Variants in SLC13A3 observed in about 807,000 individuals in gnomAD.
SLC13A3 encodes the protein Na(+)/dicarboxylate cotransporter 3.
SLC13A3 carries 40 observed loss-of-function variants against 59.0 expected under a neutral mutation model. The ratio of observed to expected loss-of-function variants is 0.68; its 90% CI spans 0.53 to 0.88. SLC13A3 has a LOEUF of 0.88. Among genes scored for constraint, SLC13A3 ranks in the 40% least tolerant of loss-of-function variants. The probability of loss-of-function intolerance (pLI) is 0.00; values close to 1 mark genes in which losing one functional copy is unlikely to be tolerated. For missense variants in SLC13A3, 699 were observed against 783.2 expected (o/e 0.89, Z 1.28); for synonymous variants, 317 against 330.3 (o/e 0.96, Z 0.44).
intron 1 of SLC13A3, among the ~76,000 whole-genome samples, chr20:46,644,889 G>T (rs2062879125): frequency 6.6e-6 from 1 of 152,184 alleles, no homozygotes; most frequent in Non-Finnish European, 1.5e-5. Context: ...GAACCAGTCT[G>T]GTGGGGTGGT....
intron 5 of SLC13A3, 115 bp from the exon 6 acceptor site, chr20:46,592,644 T>C: frequency 1.9e-6 from 2 of 1,031,754 alleles, no homozygotes; most frequent in Non-Finnish European, 2.9e-6. Flanking sequence ...GAGGGTCCCA[T>C]GGAAGTCTTG....
rs1286795439 is a variant in SLC13A3, at chr20:46,588,178, T to C, written c.1017-15A>G. 9 of 1,558,462 alleles carry C rather than the reference T, an allele frequency of 5.8e-6. No individual in the cohort carries two copies. Among genetic ancestry groups the C allele is most frequent in the Middle Eastern group, 1.7e-4 (1 of 5,972 alleles). On this transcript the variant is annotated splice_polypyrimidine_tract_variant and intron_variant, in intron 7 of 12. Transcript: ENST00000279027. ...GTTCGGCAAACCTGTGGCACAGACA[T>C]GCAGGCATGATGGTGACCCCGGGTT... is the stretch of plus-strand genomic sequence containing the variant.
intron 1 of SLC13A3, among the ~76,000 whole-genome samples, chr20:46,618,958 G>A (rs1040634716): frequency 9.2e-5 from 14 of 152,166 alleles, no homozygotes; most frequent in Admixed American, 3.3e-4. Flanking sequence ...GAGGCATGTC[G>A]AATACCATTT....
At chr20:46,584,025 C>A in intron 8 of SLC13A3, 4 of 981,354 alleles carry the variant, frequency 4.1e-6, no homozygotes, top group Non-Finnish European at 4.8e-6. Context: ...TGTAAGAGCC[C>A]TGTCTTTGTT....
rs190154062 is a variant in SLC13A3, at chr20:46,582,184, T to C, written c.1219+1388A>G. Among the ~76,000 whole-genome samples the C allele has an allele frequency of 2.3e-4, 35 of 152,202 alleles. No individual in the cohort carries two copies. The East Asian group carries it at 6.6e-3, about 29-fold the overall frequency. ...GTCACCCAGGCTGGAGTGCAGTGGGTGCCATCACAGCTCACTGCAGCTTTG... is the reference window on the plus strand; with the variant it reads ...GTCACCCAGGCTGGAGTGCAGTGGGCGCCATCACAGCTCACTGCAGCTTTG... On this transcript the variant is annotated intron_variant, in intron 9 of 12. Transcript: ENST00000279027.
upstream of SLC13A3, among the ~76,000 whole-genome samples, chr20:46,656,201 A>G (rs1209238688): frequency 7.0e-6 from 1 of 143,652 alleles, no homozygotes; most frequent in Non-Finnish European, 1.5e-5. Flanking sequence ...TAGACTGCAC[A>G]GTATATATAA....
upstream of SLC13A3, among the ~76,000 whole-genome samples, chr20:46,674,038 C>T (rs528453467): frequency 5.9e-5 from 9 of 152,242 alleles, no homozygotes; most frequent in Non-Finnish European, 1.2e-4. Context: ...CAGCATGTCA[C>T]GTGGAACTTA....
At chr20:46,622,113 C>T (rs2062621755) in intron 1 of SLC13A3, among the ~76,000 whole-genome samples, 1 of 152,090 alleles carries the variant, frequency 6.6e-6, no homozygotes, top group Admixed American at 6.5e-5. Flanking sequence ...CGTCTGTGTC[C>T]CCAGAACTTG....
intron 1 of SLC13A3, among the ~76,000 whole-genome samples, chr20:46,669,644 C>T (rs2063080372): frequency 6.6e-6 from 1 of 152,140 alleles, no homozygotes; most frequent in Non-Finnish European, 1.5e-5. Flanking sequence ...TGACCACTGG[C>T]ACCCAAGGCA....
intron 10 of SLC13A3, among the ~76,000 whole-genome samples, chr20:46,567,495 G>A (rs1356104252): frequency 6.6e-6 from 1 of 152,126 alleles, no homozygotes; most frequent in Non-Finnish European, 1.5e-5. Flanking sequence ...TCCATAAGAT[G>A]TGTGATTCTG....
chr20:46,621,142 A>G (rs751550341), intron 1 of SLC13A3, among the ~76,000 whole-genome samples: 1 of 152,188 alleles, frequency 6.6e-6, no homozygotes, highest in Non-Finnish European at 1.5e-5. Flanking sequence ...GCTCATTATG[A>G]GAGTTTTATG....
chr20:46,666,326 T>G (rs1385357514), intron 1 of SLC13A3, among the ~76,000 whole-genome samples: 1 of 152,222 alleles, frequency 6.6e-6, no homozygotes, highest in South Asian at 2.1e-4. Context: ...AAATCTTCCT[T>G]TGTAACAGAC....
At chr20:46,683,481 T>C (rs1307153720) in intron 1 of SLC13A3, among the ~76,000 whole-genome samples, 2 of 151,898 alleles carry the variant, frequency 1.3e-5, no homozygotes, top group Non-Finnish European at 2.9e-5. Context: ...AAGACTGGGG[T>C]GGGGGTGCCG....
At chr20:46,568,790 T>C (rs186408350) in intron 10 of SLC13A3, among the ~76,000 whole-genome samples, 3 of 152,266 alleles carry the variant, frequency 2.0e-5, no homozygotes, top group East Asian at 3.9e-4. Context: ...CTCGGGCAAG[T>C]GAGAAGCCAG....
chr20:46,597,664 T>A (rs776751914), intron 4 of SLC13A3, among the ~76,000 whole-genome samples: 28 of 152,204 alleles, frequency 1.8e-4, no homozygotes, highest in Non-Finnish European at 2.9e-4. Context: ...CTCGAACTCC[T>A]CACCTCAGGT....
At chr20:46,659,068 A>G (rs1024913465) in intron 1 of SLC13A3, among the ~76,000 whole-genome samples, 2 of 152,134 alleles carry the variant, frequency 1.3e-5, no homozygotes, top group Non-Finnish European at 2.9e-5. Flanking sequence ...TGTTTATTCT[A>G]TACAGTGTAT....
intron 1 of SLC13A3, among the ~76,000 whole-genome samples, chr20:46,659,607 G>C (rs34565083): frequency 0.024 from 3,696 of 151,514 alleles, 139 homozygotes; most frequent in African/African-American, 0.084. Context: ...CCCAGCTACC[G>C]GGGAGGCTGA....
At chr20:46,667,887 T>A (rs1420264134) in intron 1 of SLC13A3, among the ~76,000 whole-genome samples, 3 of 152,210 alleles carry the variant, frequency 2.0e-5, no homozygotes, top group African/African-American at 7.2e-5. Flanking sequence ...AATTTCAAAC[T>A]TTTTTTATGA....
intron 2 of SLC13A3, among the ~76,000 whole-genome samples, chr20:46,611,463 A>C (rs3092495): frequency 0.39 from 59,175 of 151,934 alleles, 13,238 homozygotes; most frequent in African/African-American, 0.61. Flanking sequence ...CATTGGAATT[A>C]GTTCCATAGA....
Sources: gnomAD v4.1 joint callset for allele counts (sites outside exome capture counted in the v4.1 genomes callset) on GRCh38, gnomAD v4.1.1 for gene constraint, MANE v1.5 for transcripts, NCBI Gene and HGNC (gene_info 2026-07-23, HGNC 2026-07-21) for gene names.